The following CFAP54 variants were observed in gnomAD, a reference collection of about 807,000 sequenced individuals.
CFAP54 encodes cilia- and flagella-associated protein 54.
CFAP54 carries 290 observed loss-of-function variants against 370.4 expected under a neutral mutation model. That is an observed-to-expected ratio of 0.78 (90% CI 0.71 to 0.86). The LOEUF (loss-of-function observed/expected upper bound fraction) is 0.86. CFAP54 is among the 40% of genes least tolerant of loss of function. The probability of loss-of-function intolerance (pLI) is 0.00; values close to 1 mark genes in which losing one functional copy is unlikely to be tolerated. For synonymous variants in CFAP54, 1,206 were observed against 1,236.5 expected (o/e 0.98, Z 0.52); for missense variants, 3,399 against 3,528.7 (o/e 0.96, Z 0.93).
At position 96,720,530 on chromosome 12, in the gene CFAP54, TG is replaced by T; in HGVS notation, c.6931del (p.Ala2311GlnfsTer15). 8 of 1,584,518 alleles carry T rather than the reference TG, an allele frequency of 5.0e-6. No homozygotes were observed. The highest frequency in any genetic ancestry group is 6.9e-6 in the Non-Finnish European group (8 of 1,162,378). On this transcript the variant is annotated frameshift_variant, in exon 50 of 68. Transcript: ENST00000524981. LOFTEE classifies it high-confidence loss of function. ...IVVEARLQLA[A>X]VALQRHRAAY... is the part of the protein sequence containing the mutation. ...TGGTGGAGGCCCGGCTTCAGCTGGC[TG>T]CAGTTGCTCTGCAGAGGCACCGGGC...
chr12:96,550,319 G>A (rs1453027686), intron 15 of CFAP54, among the ~76,000 whole-genome samples: 1 of 152,192 alleles, frequency 6.6e-6, no homozygotes, highest in African/African-American at 2.4e-5. Context: ...GTTCACACCT[G>A]TAATCCCAGC....
Position 96,726,056 on chromosome 12 carries a change from T to A in CFAP54, c.6965+5491T>A, listed in dbSNP as rs547798858. 5.2e-4 allele frequency among the ~76,000 whole-genome samples: 76 copies of A among 146,714 alleles called. 1 individual carries two copies. Among genetic ancestry groups the A allele is most frequent in the African/African-American group, 1.8e-3 (72 of 40,628 alleles). On this transcript the variant is annotated intron_variant, in intron 50 of 67. Coordinates refer to ENST00000524981, the MANE Select transcript of CFAP54 (RefSeq NM_001306084.2). ...TGATCATGGTGGATAAGCTTTTTGA[T>A]GTGCTGCTGGATTTGGTTTGCCAGT... is the stretch of plus-strand genomic sequence containing the variant.
intron 14 of CFAP54, among the ~76,000 whole-genome samples, chr12:96,545,302 C>T (rs763817853): frequency 1.3e-5 from 2 of 152,018 alleles, no homozygotes; most frequent in East Asian, 1.9e-4. Context: ...ATACAGATAA[C>T]GGGTTGATGG....
chr12:96,601,290 A>G (rs944031752), intron 26 of CFAP54, among the ~76,000 whole-genome samples: 19 of 152,248 alleles, frequency 1.2e-4, no homozygotes, highest in African/African-American at 4.6e-4. Flanking sequence ...CCAGCCTTGC[A>G]TCCCAGGGAT....
At chr12:96,507,798 C>T (rs76790427) in intron 4 of CFAP54, among the ~76,000 whole-genome samples, 1,956 of 152,224 alleles carry the variant, frequency 0.013, 59 homozygotes, top group African/African-American at 0.046. Context: ...TATTTTCTAG[C>T]CTTTTCCTTT....
chr12:96,714,500 G>A (rs1431164117), intron 48 of CFAP54, among the ~76,000 whole-genome samples: 2 of 152,138 alleles, frequency 1.3e-5, no homozygotes, highest in African/African-American at 4.8e-5. Flanking sequence ...AAATGCTTGG[G>A]TTCATCAGCA....
chr12:96,706,034 A>G (rs1443556767), intron 47 of CFAP54, among the ~76,000 whole-genome samples: 1 of 152,052 alleles, frequency 6.6e-6, no homozygotes, highest in African/African-American at 2.4e-5. Context: ...TTAATTCAAC[A>G]ACAAAATCAA....
At chr12:96,820,045 T>C (rs1320764455) in intron 65 of CFAP54, among the ~76,000 whole-genome samples, 1 of 152,136 alleles carries the variant, frequency 6.6e-6, no homozygotes, top group African/African-American at 2.4e-5. Context: ...TGCCATGGTG[T>C]GGGAATCGGG....
intron 50 of CFAP54, among the ~76,000 whole-genome samples, chr12:96,729,645 G>A (rs1381686534): frequency 2.0e-5 from 3 of 152,212 alleles, no homozygotes; most frequent in Non-Finnish European, 4.4e-5. Context: ...CTTCCCGAGT[G>A]AGGCAATGCC....
intron 55 of CFAP54, among the ~76,000 whole-genome samples, chr12:96,744,911 C>T (rs566880736): frequency 9.9e-5 from 15 of 152,268 alleles, no homozygotes; most frequent in South Asian, 2.1e-4. Context: ...CATGTGTTCT[C>T]ATCATTCAGC....
chr12:96,701,428 A>G (rs1313231373), intron 46 of CFAP54, among the ~76,000 whole-genome samples: 1 of 152,152 alleles, frequency 6.6e-6, no homozygotes, highest in Non-Finnish European at 1.5e-5. Flanking sequence ...AGAGCAGTAG[A>G]AAGACAGCAG....
Position 96,533,839 on chromosome 12 carries a change from C to T in CFAP54, c.1405C>T (p.Leu469Phe). ...AATGCTTGATTTTCCAAAAACATCT[C>T]TTCTGGAACTTATGATAGGAAGAAA... Reference protein sequence around the residue: ...DGMLDFPKTSLLELMIGRKDV... With the variant: ...DGMLDFPKTSFLELMIGRKDV... The change falls in exon 10 of 68, where the codon CTT (leucine) becomes TTT (phenylalanine). Residue 469 changes from leucine to phenylalanine, a missense_variant. Physicochemically the swap from Leu to Phe is conservative, Grantham distance 22 (BLOSUM62 0). Transcript: ENST00000524981. The T allele has an allele frequency of 6.5e-7, 1 of 1,533,526 alleles. No individual in the cohort carries two copies. The highest frequency in any genetic ancestry group is 8.7e-7 in the Non-Finnish European group (1 of 1,146,088). The allele number at this position is 1,533,526 out of a possible 1,614,324, so 95.0% of individuals were successfully genotyped here. A position where few individuals can be genotyped will look rare whatever the true frequency, so the allele number is the denominator to read the frequency against.
At chr12:96,863,839 C>T (rs1336865681) in intron 67 of CFAP54, among the ~76,000 whole-genome samples, 2 of 151,868 alleles carry the variant, frequency 1.3e-5, no homozygotes, top group African/African-American at 4.8e-5. Context: ...TCAGTTCTTA[C>T]AGATGCTGTT....
At chr12:96,752,721 A>G (rs1958202051) in intron 55 of CFAP54, among the ~76,000 whole-genome samples, 1 of 152,202 alleles carries the variant, frequency 6.6e-6, no homozygotes, top group East Asian at 1.9e-4. Flanking sequence ...TCTCTGCTAC[A>G]CAATTGGCCA....
intron 55 of CFAP54, among the ~76,000 whole-genome samples, chr12:96,748,488 C>T (rs1352911001): frequency 2.6e-5 from 4 of 152,070 alleles, no homozygotes; most frequent in Non-Finnish European, 4.4e-5. Context: ...TGTTCTGCTT[C>T]ATAGGTTGTT....
intron 36 of CFAP54, 26 bp downstream of exon 36, chr12:96,651,841 T>C: frequency 7.1e-7 from 1 of 1,411,394 alleles, no homozygotes; most frequent in Non-Finnish European, 9.9e-7. Flanking sequence ...TAATTATTTT[T>C]ATTATATTCA....
chr12:96,697,004 C>T (rs1438595265), intron 45 of CFAP54, among the ~76,000 whole-genome samples: 1 of 152,202 alleles, frequency 6.6e-6, no homozygotes, highest in African/African-American at 2.4e-5. Context: ...TTTAAGACCT[C>T]TTCATGATCA....
chr12:96,650,023 G>A lies in CFAP54; in HGVS notation c.4823G>A (p.Cys1608Tyr). Reference protein sequence around the residue: ...AKEKDRGANLCVMDHFMKIFL... With the variant: ...AKEKDRGANLYVMDHFMKIFL... The stretch of plus-strand genomic sequence containing the variant: ...GAAAAGGACCGAGGAGCAAATTTGT[G>A]TGTAATGGATCATTTTATGAAAATC... Residue 1608 changes from cysteine to tyrosine, a missense_variant, in exon 35 of 68, where the codon TGT becomes TAT. Around this residue, in one of 3 missense-constraint regions of CFAP54, gnomAD observed 2,796 missense variants for 2,869.7 expected, o/e 0.97. Transcript: ENST00000524981. 6 of 1,613,534 alleles carry A rather than the reference G, an allele frequency of 3.7e-6. No homozygotes were observed. Among genetic ancestry groups the A allele is most frequent in the Non-Finnish European group, 4.2e-6 (5 of 1,179,836 alleles).
chr12:96,792,186 A>G (rs1269533039), intron 62 of CFAP54, 143 bp from the exon 63 acceptor site: 2 of 683,450 alleles, frequency 2.9e-6, no homozygotes, highest in Non-Finnish European at 4.6e-6. Context: ...TCTCTGTAGT[A>G]AGCCAGGGTT....
Sources: gnomAD v4.1 joint callset for allele counts (sites outside exome capture counted in the v4.1 genomes callset) on GRCh38, gnomAD v4.1.1 for gene constraint, gnomAD v4.1.1 regional missense constraint, MANE v1.5 for transcripts, NCBI Gene and HGNC (gene_info 2026-07-23, HGNC 2026-07-21) for gene names.